PACS1: variants seen among roughly 807,000 people sequenced by gnomAD.
PACS1 encodes the protein PACS-1.
A neutral mutation model predicts 115.0 loss-of-function variants in PACS1; 24 were observed. The observed-to-expected ratio is 0.21, with a 90% CI of 0.15 to 0.29. The LOEUF (loss-of-function observed/expected upper bound fraction) is 0.29. PACS1 is among the 10% of genes least tolerant of loss of function. PACS1 has a pLI of 1.00. For missense variants in PACS1, 838 were observed against 1,251.2 expected (o/e 0.67, Z 4.98); for synonymous variants, 453 against 504.5 (o/e 0.90, Z 1.37).
Position 66,234,227 on chromosome 11 carries a change from G to C in PACS1, c.2089G>C (p.Glu697Gln). 1 of 1,613,368 alleles carries C rather than the reference G, an allele frequency of 6.2e-7. No homozygotes were observed. Among genetic ancestry groups the C allele is most frequent in the Non-Finnish European group, 8.5e-7 (1 of 1,179,306 alleles). Residue 697 changes from glutamate (E) to glutamine (Q), a missense_variant, in exon 17 of 24, where the codon GAG becomes CAG. Coordinates refer to ENST00000320580, the MANE Select transcript of PACS1 (RefSeq NM_018026.4). Reference protein sequence around the residue: ...SGWRDLFSRSEPPVSEQLDVA... With the variant: ...SGWRDLFSRSQPPVSEQLDVA... ...TTGGAGAGATCTGTTCAGTCGCTCG[G>C]AGCCACCAGTGTCAGGTAATGGCCC...
At chr11:66,159,907 T>C (rs568881235) in intron 1 of PACS1, among the ~76,000 whole-genome samples, 1 of 152,378 alleles carries the variant, frequency 6.6e-6, no homozygotes, top group African/African-American at 2.4e-5. Context: ...TTAAATGCCC[T>C]TTAATCTGGG....
At chr11:66,191,996 C>T (rs1227179496) in intron 1 of PACS1, among the ~76,000 whole-genome samples, 1 of 151,500 alleles carries the variant, frequency 6.6e-6, no homozygotes, top group Non-Finnish European at 1.5e-5. Flanking sequence ...GCACTCCAGC[C>T]TGGGAGACAG....
intron 1 of PACS1, among the ~76,000 whole-genome samples, chr11:66,101,824 G>C (rs1239121618): frequency 3.9e-5 from 6 of 152,186 alleles, no homozygotes; most frequent in South Asian, 2.1e-4. Flanking sequence ...ACGGTTACTG[G>C]GGGGAGAGCT....
intron 1 of PACS1, among the ~76,000 whole-genome samples, chr11:66,090,135 G>A (rs1857634268): frequency 6.6e-6 from 1 of 151,772 alleles, no homozygotes; most frequent in African/African-American, 2.4e-5. Flanking sequence ...TCCAGTTTGG[G>A]GTTCTTTGAA....
chr11:66,171,042 T>C (rs1234190488), intron 1 of PACS1, among the ~76,000 whole-genome samples: 1 of 150,506 alleles, frequency 6.6e-6, no homozygotes, highest in East Asian at 1.9e-4. Context: ...ATTTCATGTG[T>C]TCGTTTGAAT....
At chr11:66,117,706 C>G (rs1858336024) in intron 1 of PACS1, among the ~76,000 whole-genome samples, 1 of 151,798 alleles carries the variant, frequency 6.6e-6, no homozygotes, top group South Asian at 2.1e-4. Context: ...ATTAGCTGGG[C>G]ATAGTGGCGC....
At chr11:66,214,967 C>G (rs1855164895) in intron 4 of PACS1, among the ~76,000 whole-genome samples, 1 of 151,896 alleles carries the variant, frequency 6.6e-6, no homozygotes, top group Non-Finnish European at 1.5e-5. Context: ...GAGTGTTGCT[C>G]TGTGACCCAG....
intron 1 of PACS1, among the ~76,000 whole-genome samples, chr11:66,188,970 A>C (rs1854454174): frequency 6.6e-6 from 1 of 152,212 alleles, no homozygotes; most frequent in Non-Finnish European, 1.5e-5. Context: ...TGATAGGCCT[A>C]AGTGTGCATC....
chr11:66,096,575 C>T (rs10750777), intron 1 of PACS1, among the ~76,000 whole-genome samples: 31,202 of 149,202 alleles, frequency 0.21, 3,345 homozygotes, highest in Middle Eastern at 0.3. Context: ...GTGATCTTGG[C>T]TCACTGCAAC....
At chr11:66,097,698 A>C (rs1449997942) in intron 1 of PACS1, among the ~76,000 whole-genome samples, 2 of 152,234 alleles carry the variant, frequency 1.3e-5, no homozygotes, top group Non-Finnish European at 2.9e-5. Flanking sequence ...CGAGCAATAT[A>C]GTTCCTGTTG....
chr11:66,110,566 GT>G (rs528046745), intron 1 of PACS1, among the ~76,000 whole-genome samples: 1 of 151,382 alleles, frequency 6.6e-6, no homozygotes, highest in African/African-American at 2.4e-5. Context: ...CTTTCCTGTA[GT>G]TTTTTTTTGT....
At position 66,079,654 on chromosome 11, in the gene PACS1, T is replaced by C. The variant is rs543898268; in HGVS notation, c.356+8812T>C. 2.1e-3 allele frequency among the ~76,000 whole-genome samples: 327 copies of C among 152,272 alleles called. 3 individuals carry two copies. Among genetic ancestry groups the C allele is most frequent in the African/African-American group, 7.0e-3 (290 of 41,542 alleles). On this transcript the variant is annotated intron_variant, in intron 1 of 23. Coordinates refer to ENST00000320580, the MANE Select transcript of PACS1 (RefSeq NM_018026.4). ...ACCCCCTCTATAATCTTCCAGTTCA[T>C]TCATTCAGCAAAAGCTTATAGACCA...
rs1267510904 is a variant in PACS1, at chr11:66,230,154, GA to G, written c.1375-382del. 1.1e-3 allele frequency among the ~76,000 whole-genome samples: 124 copies of G among 111,904 alleles called. 2 individuals carry two copies. In the South Asian group the frequency reaches 0.013, roughly 12 times the overall value. The allele number at this position is 111,904 out of a possible 152,430, so 73.4% of individuals were successfully genotyped here. On this transcript the variant is annotated intron_variant, in intron 11 of 23. Coordinates refer to ENST00000320580, the MANE Select transcript of PACS1 (RefSeq NM_018026.4). Reference sequence around the variant, plus strand: ...TGGGGCTAAAAAAAAAAAAAAAAAAGAAAAAAAAAAAAGGAATGGGGCTATG... The same window carrying G: ...TGGGGCTAAAAAAAAAAAAAAAAAAGAAAAAAAAAAAGGAATGGGGCTATG...
intron 7 of PACS1, chr11:66,218,455 C>T (rs56038054): frequency 0.19 from 29,218 of 152,168 alleles, 3,496 homozygotes; most frequent in South Asian, 0.39. Context: ...GGCCACCTGT[C>T]CCAGGAGTGC....
At chr11:66,115,110 G>C (rs1044837125) in intron 1 of PACS1, among the ~76,000 whole-genome samples, 1 of 151,706 alleles carries the variant, frequency 6.6e-6, no homozygotes, top group African/African-American at 2.4e-5. Context: ...TTGGGAGGCT[G>C]CGGTGGGAGG....
intron 1 of PACS1, among the ~76,000 whole-genome samples, chr11:66,095,895 C>G (rs1244920724): frequency 6.6e-6 from 1 of 152,174 alleles, no homozygotes; most frequent in East Asian, 1.9e-4. Context: ...GCTTTTTCAT[C>G]AGCACCCACA....
chr11:66,213,265 C>T (rs1352041493), intron 4 of PACS1, among the ~76,000 whole-genome samples: 1 of 152,214 alleles, frequency 6.6e-6, no homozygotes, highest in Non-Finnish European at 1.5e-5. Flanking sequence ...CTGCTACTAT[C>T]ATTTTTTTAT....
At chr11:66,103,310 GAGAA>G (rs1351548446) in intron 1 of PACS1, among the ~76,000 whole-genome samples, 1 of 152,068 alleles carries the variant, frequency 6.6e-6, no homozygotes, top group East Asian at 1.9e-4. Flanking sequence ...AAAGTACATG[GAGAA>G]AGCTGCAAGG....
chr11:66,219,407 A>T, intron 7 of PACS1: 2 of 424,012 alleles, frequency 4.7e-6, no homozygotes, highest in South Asian at 3.9e-5. Context: ...CGCGCTGTGC[A>T]TGCGCAGGTA....
Sources: allele counts gnomAD v4.1 joint callset (sites outside exome capture counted in the v4.1 genomes callset), GRCh38; gene constraint gnomAD v4.1.1; transcripts MANE v1.5; gene names NCBI Gene and HGNC (gene_info 2026-07-23, HGNC 2026-07-21).